CNTLN: variants seen among roughly 807,000 people sequenced by gnomAD.
The protein encoded by CNTLN is centlein, centrosomal protein.
A neutral mutation model predicts 180.0 loss-of-function variants in CNTLN; 212 were observed. The ratio of observed to expected loss-of-function variants is 1.18; its 90% confidence interval spans 1.05 to 1.32. The LOEUF is 1.32. CNTLN is among the 40% of genes most tolerant of loss of function. CNTLN has a pLI of 0.00. For missense variants in CNTLN, 2,095 were observed against 1,610.9 expected, an observed-to-expected ratio of 1.30 and a Z score of -5.14; for synonymous variants, 722 against 563.1, an observed-to-expected ratio of 1.28 and a Z score of -3.99.
At chr9:17,396,633 TC>T (rs1450509578) in intron 15 of CNTLN, among the ~76,000 whole-genome samples, 4 of 152,154 alleles carry the variant, frequency 2.6e-5, no homozygotes, top group Non-Finnish European at 5.9e-5. Flanking sequence ...TAAAATGTGG[TC>T]CCCAAACTTG....
chr9:17,488,598 CTG>C (rs1264218765), intron 25 of CNTLN, among the ~76,000 whole-genome samples: 5 of 151,978 alleles, frequency 3.3e-5, no homozygotes, highest in Non-Finnish European at 5.9e-5. Flanking sequence ...TGTACTGACA[CTG>C]GACCTGAGTT....
intron 8 of CNTLN, among the ~76,000 whole-genome samples, chr9:17,313,695 C>T (rs1039623562): frequency 8.5e-5 from 13 of 152,138 alleles, no homozygotes; most frequent in African/African-American, 2.9e-4. Context: ...ATGTTATTTT[C>T]GCAAATATTT....
intron 8 of CNTLN, among the ~76,000 whole-genome samples, chr9:17,321,174 T>C (rs1297771529): frequency 6.6e-6 from 1 of 152,236 alleles, no homozygotes; most frequent in Non-Finnish European, 1.5e-5. Context: ...CCTTTAAATA[T>C]ATGTTAGGGA....
At chr9:17,259,030 G>A (rs1169628896) in intron 5 of CNTLN, among the ~76,000 whole-genome samples, 15 of 149,758 alleles carry the variant, frequency 1.0e-4, no homozygotes, top group Admixed American at 9.9e-4. Context: ...AGTGGTGAGA[G>A]AGGGCATCCC....
At chr9:17,339,499 G>T (rs1293849466) in intron 10 of CNTLN, among the ~76,000 whole-genome samples, 1 of 152,116 alleles carries the variant, frequency 6.6e-6, no homozygotes, top group African/African-American at 2.4e-5. Flanking sequence ...GAAAAAACTT[G>T]AATTAATTTC....
chr9:17,295,605 C>T (rs373589234), intron 6 of CNTLN, among the ~76,000 whole-genome samples: 5 of 152,126 alleles, frequency 3.3e-5, no homozygotes, highest in African/African-American at 1.2e-4. Context: ...GGGGGGCCTC[C>T]GACCACAGCT....
At chr9:17,294,136 G>A (rs997450381) in intron 6 of CNTLN, among the ~76,000 whole-genome samples, 2 of 152,056 alleles carry the variant, frequency 1.3e-5, no homozygotes, top group Admixed American at 6.6e-5. Flanking sequence ...GCAGACCTTC[G>A]AGTGTTACAG....
intron 6 of CNTLN, among the ~76,000 whole-genome samples, chr9:17,278,498 C>T (rs1010783022): frequency 6.6e-6 from 1 of 152,078 alleles, no homozygotes; most frequent in Non-Finnish European, 1.5e-5. Flanking sequence ...TTTCCTCAAA[C>T]AGATTTTGAA....
intron 2 of CNTLN, among the ~76,000 whole-genome samples, chr9:17,218,446 C>T (rs1823912312): frequency 6.6e-6 from 1 of 151,946 alleles, no homozygotes; most frequent in Non-Finnish European, 1.5e-5. Context: ...TTATAGATGC[C>T]ATTCCAGTAA....
chr9:17,219,798 T>C lies in CNTLN; in HGVS notation c.450-6405T>C, dbSNP rs111547891. 1.3e-3 allele frequency among the ~76,000 whole-genome samples: 197 copies of C among 152,248 alleles called. 2 individuals are homozygous for C. The highest frequency in any genetic ancestry group is 4.6e-3 in the African/African-American group (192 of 41,552). On this transcript the variant is annotated intron_variant, in intron 2 of 25. Transcript: ENST00000380647. ...CATTTATTCTCATGGTTCCAGGAAG[T>C]ACAAAATTAAAATGCTAGCCAATGT...
chr9:17,338,094 A>C (rs899364631), intron 10 of CNTLN, among the ~76,000 whole-genome samples: 1 of 151,534 alleles, frequency 6.6e-6, no homozygotes, highest in African/African-American at 2.4e-5. Flanking sequence ...AATCTCTTCC[A>C]ATATAGTCTG....
chr9:17,320,498 T>A lies in CNTLN; in HGVS notation c.1342-10134T>A, dbSNP rs561422602. ...AATAATATATTCCAATGCCTTTTGTTTGTTTGTTTGTTTGTTTTTTTGAGA... is the reference window on the plus strand; with the variant it reads ...AATAATATATTCCAATGCCTTTTGTATGTTTGTTTGTTTGTTTTTTTGAGA... On this transcript the variant is annotated intron_variant, in intron 8 of 25. Coordinates refer to ENST00000380647, the MANE Select transcript of CNTLN (RefSeq NM_017738.4). Among the ~76,000 whole-genome samples, 331 of 152,016 alleles carry A rather than the reference T, an allele frequency of 2.2e-3. 1 individual carries two copies. The highest frequency in any genetic ancestry group is 7.6e-3 in the African/African-American group (315 of 41,460).
intron 8 of CNTLN, among the ~76,000 whole-genome samples, chr9:17,318,838 T>TTCCATCCA (rs60102156): frequency 0.014 from 2,067 of 151,420 alleles, 19 homozygotes; most frequent in African/African-American, 0.023. Flanking sequence ...CCATCCTTTA[T>TTCCATCCA]TCCATCCATC....
intron 13 of CNTLN, among the ~76,000 whole-genome samples, chr9:17,369,985 C>T (rs576672587): frequency 8.1e-4 from 108 of 132,688 alleles, no homozygotes; most frequent in African/African-American, 2.2e-3. Flanking sequence ...GACTCCATCT[C>T]GAAAAAAAAA....
chr9:17,413,440 G>A (rs1828000405), intron 16 of CNTLN, among the ~76,000 whole-genome samples: 1 of 151,992 alleles, frequency 6.6e-6, no homozygotes, highest in African/African-American at 2.4e-5. Context: ...AAGAACTTTT[G>A]CTCCTCAAAA....
At chr9:17,417,881 C>T (rs561655690) in intron 18 of CNTLN, among the ~76,000 whole-genome samples, 1 of 152,002 alleles carries the variant, frequency 6.6e-6, no homozygotes, top group African/African-American at 2.4e-5. Context: ...GCACAGATTT[C>T]AACTACTTGT....
At chr9:17,200,765 A>G (rs111697018) in intron 2 of CNTLN, among the ~76,000 whole-genome samples, 1,715 of 152,252 alleles carry the variant, frequency 0.011, 32 homozygotes, top group African/African-American at 0.039. Flanking sequence ...TAAATATACA[A>G]TCATATCATC....
intron 2 of CNTLN, among the ~76,000 whole-genome samples, chr9:17,145,180 C>T (rs992084993): frequency 3.9e-5 from 6 of 152,276 alleles, no homozygotes; most frequent in African/African-American, 1.4e-4. Flanking sequence ...GGCCTTTTAC[C>T]TGATCTACTG....
intron 5 of CNTLN, among the ~76,000 whole-genome samples, chr9:17,241,648 G>C (rs1290931658): frequency 2.0e-5 from 3 of 151,996 alleles, no homozygotes; most frequent in Non-Finnish European, 4.4e-5. Context: ...GGGCAGTATG[G>C]ACATCTTAAC....
Sources: allele counts gnomAD v4.1 joint callset (sites outside exome capture counted in the v4.1 genomes callset), GRCh38; gene constraint gnomAD v4.1.1; transcripts MANE v1.5; gene names NCBI Gene and HGNC (gene_info 2026-07-23, HGNC 2026-07-21).